PANK1: variants seen among roughly 807,000 people sequenced by gnomAD.
The protein encoded by PANK1 is pantothenate kinase 1, also known as pantothenic acid kinase 1.
In PANK1, 18 loss-of-function variants were observed where a neutral mutation model predicts 40.1. The observed-to-expected ratio is 0.45, with a 90% CI of 0.31 to 0.67. PANK1 has a LOEUF of 0.67. PANK1 is among the 30% of genes least tolerant of loss of function. The pLI, the probability that PANK1 is intolerant of heterozygous loss-of-function variation, is 0.06. For missense variants in PANK1, 457 were observed against 599.6 expected (o/e 0.76, Z 2.48); for synonymous variants, 242 against 237.7 (o/e 1.02, Z -0.17).
In PANK1 at chr10:89,631,867, G is replaced by C. The variant is rs551003242; in HGVS notation, c.292+12733C>G. On this transcript the variant is annotated intron_variant, in intron 1 of 6. Transcript: ENST00000307534. ...GATGTAACAATTTTAATTGTGGTTA[G>C]ATAACTGAATTTATCTAATTGTGCA... Among the ~76,000 whole-genome samples, 252 of 152,108 alleles carry C rather than the reference G, an allele frequency of 1.7e-3. 1 individual carries two copies. Among genetic ancestry groups the C allele is most frequent in the African/African-American group, 5.7e-3 (235 of 41,496 alleles).
intron 1 of PANK1, among the ~76,000 whole-genome samples, chr10:89,621,413 A>G (rs1208548748): frequency 6.6e-6 from 1 of 152,182 alleles, no homozygotes; most frequent in East Asian, 1.9e-4. Flanking sequence ...AATTTGGTTG[A>G]TAGTATAACA....
intron 1 of PANK1, chr10:89,643,635 C>T: frequency 2.3e-6 from 3 of 1,276,938 alleles, no homozygotes; most frequent in Non-Finnish European, 3.4e-6. Flanking sequence ...AACAATTTCC[C>T]TATATCGAAC....
intron 1 of PANK1, among the ~76,000 whole-genome samples, chr10:89,622,004 G>C (rs1224066429): frequency 6.6e-6 from 1 of 152,190 alleles, no homozygotes; most frequent in Non-Finnish European, 1.5e-5. Context: ...ATGAGCCGCT[G>C]CATCTGGCCC....
At chr10:89,640,772 T>C (rs189830169) in intron 1 of PANK1, among the ~76,000 whole-genome samples, 29 of 152,358 alleles carry the variant, frequency 1.9e-4, no homozygotes, top group Admixed American at 7.8e-4. Context: ...CCCCTACTTA[T>C]TCTGTCTCCA....
intron 3 of PANK1, among the ~76,000 whole-genome samples, chr10:89,597,018 A>G (rs893929116): frequency 3.9e-5 from 6 of 152,192 alleles, no homozygotes; most frequent in African/African-American, 1.4e-4. Context: ...GAAATAAACC[A>G]TTTGAAATCA....
intron 2 of PANK1, among the ~76,000 whole-genome samples, chr10:89,603,741 T>C (rs1158195979): frequency 1.3e-5 from 2 of 152,180 alleles, no homozygotes; most frequent in African/African-American, 4.8e-5. Context: ...CAGAATCACC[T>C]GGAGGGTTGG....
intron 1 of PANK1, among the ~76,000 whole-genome samples, chr10:89,624,452 C>T (rs1018816517): frequency 6.6e-6 from 1 of 152,076 alleles, no homozygotes; most frequent in African/African-American, 2.4e-5. Context: ...GGCAAAAGTA[C>T]CTAGGCCCAT....
chr10:89,598,389 A>G (rs1844674149), intron 3 of PANK1, among the ~76,000 whole-genome samples: 1 of 152,234 alleles, frequency 6.6e-6, no homozygotes, highest in African/African-American at 2.4e-5. Flanking sequence ...GTGACACGAT[A>G]TCTGCATCTA....
In PANK1 at chr10:89,644,725, G is replaced by A; in HGVS notation, c.167C>T (p.Ala56Val). ...CAGGAGCGGGAGGCGCTGGGGCGCC[G>A]CGTCGCTGCCGCCCACTGGACCCCG... ...CSRGPVGGSD[A>V]APQRLPLLPE... The change falls in exon 1 of 7, where the codon GCG (alanine) becomes GTG (valine). Residue 56 changes from alanine to valine, a missense_variant. Coordinates refer to ENST00000307534, the MANE Select transcript of PANK1 (RefSeq NM_148977.3). 5.9e-6 allele frequency: 9 copies of A among 1,530,146 alleles called. No individual in the cohort carries two copies. The highest frequency in any genetic ancestry group is 7.9e-6 in the Non-Finnish European group (9 of 1,145,082). The allele number at this position is 1,530,146 out of a possible 1,614,324, so 94.8% of individuals were successfully genotyped here.
rs2133044046 is a variant in PANK1 at position 89,645,219 on chromosome 10, C to A, written c.-328G>T. ...GATCCCCAGGCCGCGCGACTTCAAA[C>A]GCGGCTTCCTCGCCTCCCAGACTGG... On this transcript the variant is annotated 5_prime_UTR_variant, in exon 1 of 7. Transcript: ENST00000307534. 3 of 1,599,166 alleles carry A rather than the reference C, an allele frequency of 1.9e-6. No homozygotes were observed. Among genetic ancestry groups the A allele is most frequent in the Non-Finnish European group, 2.6e-6 (3 of 1,173,744 alleles).
At position 89,584,241 on chromosome 10, in the gene PANK1, C is replaced by T. The variant is rs114524734; in HGVS notation, c.*165G>A. ...CCGTTTTGAATCATTAGCTCAAAAC[C>T]TAAGAGTAAAAGATCATCTGGAAGG... On this transcript the variant is annotated 3_prime_UTR_variant, in exon 7 of 7. Coordinates refer to ENST00000307534, the MANE Select transcript of PANK1 (RefSeq NM_148977.3). 2.1e-3 allele frequency: 1,236 copies of T among 584,762 alleles called. 23 individuals are homozygous for T. Among genetic ancestry groups the T allele is most frequent in the South Asian group, 0.02 (705 of 35,280 alleles). The allele number at this position is 584,762 out of a possible 1,614,324, so 36.2% of individuals were successfully genotyped here. A position where few individuals can be genotyped will look rare whatever the true frequency, so the allele number is the denominator to read the frequency against.
At chr10:89,617,287 T>G (rs1437319600) in intron 1 of PANK1, among the ~76,000 whole-genome samples, 1 of 152,064 alleles carries the variant, frequency 6.6e-6, no homozygotes, top group Non-Finnish European at 1.5e-5. Flanking sequence ...CAGCAGGGAG[T>G]GAAGAAATGG....
chr10:89,599,868 T>C (rs1163123653), intron 2 of PANK1, among the ~76,000 whole-genome samples: 1 of 152,132 alleles, frequency 6.6e-6, no homozygotes, highest in East Asian at 1.9e-4. Flanking sequence ...TAATTAAGTA[T>C]CTTGAGAAGA....
At chr10:89,609,906 A>G (rs1422206017) in intron 2 of PANK1, among the ~76,000 whole-genome samples, 1 of 152,222 alleles carries the variant, frequency 6.6e-6, no homozygotes, top group African/African-American at 2.4e-5. Flanking sequence ...AGATGGAGGC[A>G]TTGACAGAGG....
rs183457306 is a variant in PANK1, at chr10:89,641,593, G to A, written c.292+3007C>T. Reference sequence around the variant, plus strand: ...CTCACATACAAAAAATTAGCTGGGCGTGGTGGTGGGCGCCTGTAGTCCCAG... The same window carrying A: ...CTCACATACAAAAAATTAGCTGGGCATGGTGGTGGGCGCCTGTAGTCCCAG... On this transcript the variant is annotated intron_variant, in intron 1 of 6. Coordinates refer to ENST00000307534, the MANE Select transcript of PANK1 (RefSeq NM_148977.3). 3.5e-3 allele frequency among the ~76,000 whole-genome samples: 536 copies of A among 152,232 alleles called. 2 individuals are homozygous for A. Among genetic ancestry groups the A allele is most frequent in the Non-Finnish European group, 5.6e-3 (381 of 67,990 alleles).
At position 89,595,833 on chromosome 10, in the gene PANK1, A is replaced by AATATATATATATAT. The variant is rs369831755; in HGVS notation, c.900-1858_900-1845dup. On this transcript the variant is annotated intron_variant, in intron 3 of 6. Coordinates refer to ENST00000307534, the MANE Select transcript of PANK1 (RefSeq NM_148977.3). ...CTCCATCTTAAAAAAAAAAAAAAAAAATATATATATATATATATATATATA... is the reference window on the plus strand; with the variant it reads ...CTCCATCTTAAAAAAAAAAAAAAAAAATATATATATATATATATATATATATATATATATATATA... 3.6e-4 allele frequency among the ~76,000 whole-genome samples: 12 copies of AATATATATATATAT among 33,768 alleles called. 1 individual carries two copies. The highest frequency in any genetic ancestry group is 8.6e-4 in the East Asian group (1 of 1,162). 22.2% of individuals were successfully genotyped at this position (33,768 alleles called of 152,430 possible).
chr10:89,588,824 G>A (rs766108829), intron 5 of PANK1, 47 bp from the exon 6 acceptor site: 32 of 1,448,730 alleles, frequency 2.2e-5, no homozygotes, highest in African/African-American at 8.5e-5. Context: ...CATAAAAATA[G>A]CATTTGGCAA....
chr10:89,627,327 T>C (rs61853454), intron 1 of PANK1, among the ~76,000 whole-genome samples: 2,901 of 152,208 alleles, frequency 0.019, 37 homozygotes, highest in Middle Eastern at 0.075. Context: ...AAGTGATGTG[T>C]AGGTATTGTA....
chr10:89,600,428 T>C (rs760400562), intron 2 of PANK1, among the ~76,000 whole-genome samples: 2 of 152,210 alleles, frequency 1.3e-5, no homozygotes, highest in Non-Finnish European at 2.9e-5. Context: ...CTTAACTGAA[T>C]GATTTCTCAA....
Sources: gnomAD v4.1 joint callset for allele counts (sites outside exome capture counted in the v4.1 genomes callset) on GRCh38, gnomAD v4.1.1 for gene constraint, MANE v1.5 for transcripts, NCBI Gene and HGNC (gene_info 2026-07-23, HGNC 2026-07-21) for gene names.